The following HFM1 variants were observed in gnomAD, a reference collection of about 807,000 sequenced individuals.
HFM1 encodes the protein helicase for meiosis 1.
HFM1 carries 169 observed loss-of-function variants against 192.1 expected under a neutral mutation model. The ratio of observed to expected loss-of-function variants is 0.88; its 90% CI spans 0.78 to 1.00. The LOEUF is 1.00. Ranked by LOEUF, HFM1 falls within the 50% of genes least tolerant of loss-of-function variation. The probability of loss-of-function intolerance (pLI) is 0.00; values close to 1 mark genes in which losing one functional copy is unlikely to be tolerated. For synonymous variants in HFM1, 525 were observed against 537.8 expected (o/e 0.98, Z 0.33); for missense variants, 1,661 against 1,668.0 (o/e 1.00, Z 0.07).
rs567854552 is a variant in HFM1 at position 91,370,525 on chromosome 1, T to C, written c.1685+4833A>G. Among the ~76,000 whole-genome samples the C allele has an allele frequency of 1.6e-3, 242 of 152,240 alleles. 3 individuals carry two copies. In the East Asian group the frequency reaches 0.023, roughly 15 times the overall value. Reference sequence around the variant, plus strand: ...TCTCAATAGATGCAGAAAAGGCCTTTGACAAAATTCAACAACCCTTCATGC... The same window carrying C: ...TCTCAATAGATGCAGAAAAGGCCTTCGACAAAATTCAACAACCCTTCATGC... On this transcript the variant is annotated intron_variant, in intron 13 of 38. Transcript: ENST00000370425.
At chr1:91,278,162 GTAATACATATT>G (rs1370029571) in intron 30 of HFM1, among the ~76,000 whole-genome samples, 1 of 151,340 alleles carries the variant, frequency 6.6e-6, no homozygotes, top group Non-Finnish European at 1.5e-5. Flanking sequence ...TAAACAAGAT[GTAATACATATT>G]TAATACATAT....
chr1:91,277,997 G>A (rs1490110346), intron 30 of HFM1, among the ~76,000 whole-genome samples: 1 of 141,002 alleles, frequency 7.1e-6, no homozygotes. Flanking sequence ...ATAAAATAGG[G>A]CCAAATATGG....
chr1:91,365,453 A>G (rs780932393), intron 13 of HFM1, among the ~76,000 whole-genome samples: 38 of 152,182 alleles, frequency 2.5e-4, no homozygotes, highest in Non-Finnish European at 4.4e-4. Context: ...ATCACATAAC[A>G]TCATGTTGTA....
chr1:91,299,792 G>C (rs1648379666), intron 30 of HFM1, among the ~76,000 whole-genome samples: 1 of 152,154 alleles, frequency 6.6e-6, no homozygotes, highest in Non-Finnish European at 1.5e-5. Context: ...GCAGTGTGTA[G>C]AGGGAAATTT....
At chr1:91,348,758 A>AT (rs200056254) in intron 18 of HFM1, among the ~76,000 whole-genome samples, 2,715 of 149,814 alleles carry the variant, frequency 0.018, 36 homozygotes, top group Non-Finnish European at 0.029. Flanking sequence ...TGCCTCTACA[A>AT]TTTTTTTTTT....
chr1:91,395,886 T>C (rs1663604464), intron 3 of HFM1, among the ~76,000 whole-genome samples: 1 of 151,138 alleles, frequency 6.6e-6, no homozygotes, highest in Non-Finnish European at 1.5e-5. Context: ...TCTCCCTCTA[T>C]TGCCCAGGAT....
chr1:91,379,453 C>T (rs541171337), intron 8 of HFM1, among the ~76,000 whole-genome samples: 2 of 151,948 alleles, frequency 1.3e-5, no homozygotes, highest in Admixed American at 6.6e-5. Context: ...CTAACACTGA[C>T]GATGACTGAT....
Position 91,375,706 on chromosome 1 carries a change from C to T in HFM1, c.1417G>A (p.Gly473Ser). The T allele has an allele frequency of 6.2e-7, 1 of 1,613,006 alleles. No homozygotes were observed. Among genetic ancestry groups the T allele is most frequent in the Non-Finnish European group, 8.5e-7 (1 of 1,179,338 alleles). The change falls in exon 12 of 39, where the codon GGT becomes AGT. Residue 473 changes from glycine to serine, a missense_variant. Coordinates refer to ENST00000370425, the MANE Select transcript of HFM1 (RefSeq NM_001017975.6). The stretch of plus-strand genomic sequence containing the variant: ...TTCAGACACACAGCTGGTCTTTCAC[C>T]ATCTGAAAGCCATTCTGCAATCTTT... ...AEDIAEWLSD[G>S]ERPAVCLKMD...
chr1:91,321,801 C>T lies in HFM1; in HGVS notation c.2582+1149G>A, dbSNP rs1445307873. ...AATTAACTTTAAAATTTGACAGCTT[C>T]AATCAAAAGAATATACTACCCAATT... On this transcript the variant is annotated intron_variant, in intron 23 of 38. Transcript: ENST00000370425. Among the ~76,000 whole-genome samples the T allele has an allele frequency of 2.0e-5, 3 of 152,124 alleles. No individual in the cohort carries two copies. In the East Asian group the frequency reaches 5.8e-4, roughly 29 times the overall value.
At chr1:91,368,900 G>T (rs1259648060) in intron 13 of HFM1, among the ~76,000 whole-genome samples, 2 of 152,148 alleles carry the variant, frequency 1.3e-5, no homozygotes, top group African/African-American at 4.8e-5. Context: ...AGGGATGGAG[G>T]AAGATCTACC....
intron 34 of HFM1, 42 bp from the exon 35 acceptor site, chr1:91,267,897 T>C: frequency 9.4e-7 from 1 of 1,061,286 alleles, no homozygotes; most frequent in Non-Finnish European, 1.4e-6. Flanking sequence ...TGTCAAATGT[T>C]GGTTTCCAGA....
chr1:91,278,959 C>T (rs1208059906), intron 30 of HFM1, among the ~76,000 whole-genome samples: 1 of 151,912 alleles, frequency 6.6e-6, no homozygotes, highest in Non-Finnish European at 1.5e-5. Context: ...AATAATGAAA[C>T]ATCCCCCTCT....
At position 91,378,135 on chromosome 1, in the gene HFM1, C is replaced by T. The variant is rs1267172485; in HGVS notation, c.1285G>A (p.Val429Ile). The change falls in exon 11 of 39, where the codon GTT (valine) becomes ATT (isoleucine). Residue 429 changes from valine to isoleucine, a missense_variant. Val to Ile is a conservative substitution (Grantham distance 29). Transcript: ENST00000370425. ...ENRGPTLEVV[V>I]SRMKTVQSVS... ...GACTGTACAGTTTTCATTCTGCTAA[C>T]TACAACTTCAAGAGTTGGACCACGA... is the stretch of plus-strand genomic sequence containing the variant. 3.1e-6 allele frequency: 5 copies of T among 1,610,410 alleles called. No homozygotes were observed. The highest frequency in any genetic ancestry group is 3.4e-6 in the Non-Finnish European group (4 of 1,178,640).
chr1:91,313,203 A>G (rs1363029291), intron 30 of HFM1, 146 bp downstream of exon 30: 4 of 497,980 alleles, frequency 8.0e-6, no homozygotes, highest in South Asian at 9.7e-5. Context: ...AATCTCTACT[A>G]TATACTATTA....
upstream of HFM1, among the ~76,000 whole-genome samples, chr1:91,407,684 C>T (rs907480979): frequency 2.6e-5 from 4 of 152,214 alleles, no homozygotes; most frequent in Admixed American, 1.3e-4. Context: ...CACATTTCCA[C>T]CTTTTGGCTA....
Position 91,394,256 on chromosome 1 carries a change from T to C in HFM1, c.331A>G (p.Asn111Asp). 6.3e-7 allele frequency: 1 copy of C among 1,598,196 alleles called. No individual in the cohort carries two copies. Among genetic ancestry groups the C allele is most frequent in the Non-Finnish European group, 8.6e-7 (1 of 1,165,440 alleles). ...QDDLNLEGVG[N>D]NDLSHIAGKL... ...CCAGCAATATGTGATAAGTCATTATTACCTACCCCTTCTAAATTTAGATCA... is the reference window on the plus strand; with the variant it reads ...CCAGCAATATGTGATAAGTCATTATCACCTACCCCTTCTAAATTTAGATCA... The change falls in exon 4 of 39, where the codon AAT becomes GAT. Residue 111 changes from asparagine (N) to aspartate (D), a missense_variant. Coordinates refer to ENST00000370425, the MANE Select transcript of HFM1 (RefSeq NM_001017975.6).
At chr1:91,366,809 C>T (rs1659379914) in intron 13 of HFM1, among the ~76,000 whole-genome samples, 1 of 152,216 alleles carries the variant, frequency 6.6e-6, no homozygotes, top group Non-Finnish European at 1.5e-5. Flanking sequence ...CAGGGCGAGG[C>T]ATCGCCTCAC....
intron 13 of HFM1, among the ~76,000 whole-genome samples, chr1:91,366,729 C>G (rs551134662): frequency 6.6e-6 from 1 of 152,328 alleles, no homozygotes; most frequent in Admixed American, 6.5e-5. Context: ...GCATTTCCAA[C>G]TGAGGTACTG....
At chr1:91,366,242 A>G (rs1366048951) in intron 13 of HFM1, among the ~76,000 whole-genome samples, 3 of 152,252 alleles carry the variant, frequency 2.0e-5, no homozygotes, top group African/African-American at 7.2e-5. Context: ...CTACTCATAT[A>G]GATAAGTTCA....
Sources: gnomAD v4.1 joint callset for allele counts (sites outside exome capture counted in the v4.1 genomes callset) on GRCh38, gnomAD v4.1.1 for gene constraint, MANE v1.5 for transcripts, NCBI Gene and HGNC (gene_info 2026-07-23, HGNC 2026-07-21) for gene names.